CD109: variants seen among roughly 807,000 people sequenced by gnomAD.
The protein encoded by CD109 is CD109 molecule, also known as CD109 antigen.
CD109 carries 149 observed loss-of-function variants against 165.8 expected under a neutral mutation model. The ratio of observed to expected loss-of-function variants is 0.90; its 90% CI spans 0.79 to 1.03. The LOEUF is 1.03. Ranked by LOEUF, CD109 falls within the 50% of genes least tolerant of loss-of-function variation. The probability of loss-of-function intolerance (pLI) is 0.00; values close to 1 mark genes in which losing one functional copy is unlikely to be tolerated. For missense variants in CD109, 1,712 were observed against 1,677.8 expected (o/e 1.02, Z -0.36); for synonymous variants, 585 against 592.1 (o/e 0.99, Z 0.18).
intron 5 of CD109, among the ~76,000 whole-genome samples, chr6:73,755,772 C>A (rs1349204126): frequency 6.7e-6 from 1 of 149,628 alleles, no homozygotes; most frequent in African/African-American, 2.5e-5. Flanking sequence ...CCAGCCTGGG[C>A]AACATGGCAA....
chr6:73,818,535 T>C lies in CD109; in HGVS notation c.4059T>C (p.Ser1353=). The change falls in exon 31 of 33, where the codon TCT becomes TCC. Residue 1353 remains serine, a splice_region_variant and synonymous_variant. Transcript: ENST00000287097. ...GAAAACTCAACCTCTATTTAGATTCTGTAAGTAGTAAAACATAAGGTAACT... is the reference window on the plus strand; with the variant it reads ...GAAAACTCAACCTCTATTTAGATTCCGTAAGTAGTAAAACATAAGGTAACT... ...DHGKLNLYLD[S]VNETQFCVNI... The C allele has an allele frequency of 6.2e-7, 1 of 1,612,354 alleles. No individual in the cohort carries two copies. Among genetic ancestry groups the C allele is most frequent in the Non-Finnish European group, 8.5e-7 (1 of 1,179,428 alleles).
In CD109 at chr6:73,803,090, A is replaced by G. The variant is rs140192068; in HGVS notation, c.2879-130A>G. ...GCACTTAAAATAGAAAGTACTCAAT[A>G]TTAGCTCTTGGTTTGATTTCTTCTT... On this transcript the variant is annotated intron_variant, in intron 23 of 32. Coordinates refer to ENST00000287097, the MANE Select transcript of CD109 (RefSeq NM_133493.5). 4.3e-4 allele frequency: 279 copies of G among 652,092 alleles called. 3 individuals carry two copies. In the East Asian group the frequency reaches 7.9e-3, roughly 19 times the overall value. 40.4% of individuals were successfully genotyped at this position (652,092 alleles called of 1,614,324 possible). A position where few individuals can be genotyped will look rare whatever the true frequency, so the allele number is the denominator to read the frequency against.
intron 30 of CD109, among the ~76,000 whole-genome samples, chr6:73,817,675 T>C (rs41307149): frequency 0.019 from 2,904 of 152,342 alleles, 36 homozygotes; most frequent in Middle Eastern, 0.034. Context: ...TGAAAAGCTC[T>C]TGCCATCAAT....
At chr6:73,755,572 T>A (rs1046519598) in intron 5 of CD109, among the ~76,000 whole-genome samples, 9 of 152,222 alleles carry the variant, frequency 5.9e-5, no homozygotes, top group Non-Finnish European at 1.0e-4. Context: ...ATTTGGGAAT[T>A]AAATTTACAA....
At chr6:73,769,948 AAGAG>A (rs1292080755) in intron 14 of CD109, among the ~76,000 whole-genome samples, 1 of 152,234 alleles carries the variant, frequency 6.6e-6, no homozygotes, top group African/African-American at 2.4e-5. Flanking sequence ...ATTGCAATGG[AAGAG>A]AGAGATGATA....
intron 2 of CD109, among the ~76,000 whole-genome samples, chr6:73,717,538 A>G (rs1364641352): frequency 7.0e-6 from 1 of 142,656 alleles, no homozygotes; most frequent in Non-Finnish European, 1.5e-5. Flanking sequence ...ATTTGCTGCT[A>G]TTGTAAATGG....
intron 22 of CD109, 99 bp downstream of exon 22, chr6:73,788,711 AG>A: frequency 2.1e-6 from 1 of 473,538 alleles, no homozygotes; most frequent in Non-Finnish European, 2.9e-6. Context: ...AGTCCTAATA[AG>A]AAGAGATGGC....
At chr6:73,722,881 C>A (rs865847587) in intron 2 of CD109, among the ~76,000 whole-genome samples, 1 of 152,204 alleles carries the variant, frequency 6.6e-6, no homozygotes, top group South Asian at 2.1e-4. Flanking sequence ...GGTATGAGGA[C>A]AAGAAATAAA....
rs200895014 is a variant in CD109 at position 73,721,366 on chromosome 6, C to CT, written c.248-1869dup. ...GTAGAAAATGTAGTAATTTTTATTT[C>CT]TTTTTTTTTTTTTTTTGAGACAGTA... is the stretch of plus-strand genomic sequence containing the variant. On this transcript the variant is annotated intron_variant, in intron 2 of 32. Transcript: ENST00000287097. Among the ~76,000 whole-genome samples the CT allele has an allele frequency of 4.7e-3, 654 of 138,714 alleles. 2 individuals are homozygous for CT. Among genetic ancestry groups the CT allele is most frequent in the Admixed American group, 6.7e-3 (93 of 13,890 alleles). The allele number at this position is 138,714 out of a possible 152,430, so 91.0% of individuals were successfully genotyped here. A position where few individuals can be genotyped will look rare whatever the true frequency, so the allele number is the denominator to read the frequency against.
intron 2 of CD109, among the ~76,000 whole-genome samples, chr6:73,714,087 G>T (rs1771635305): frequency 6.6e-6 from 1 of 152,140 alleles, no homozygotes; most frequent in Non-Finnish European, 1.5e-5. Flanking sequence ...CTCAATAATG[G>T]AGGGTGCTGG....
chr6:73,748,319 C>G (rs908530059), intron 5 of CD109, among the ~76,000 whole-genome samples: 1 of 152,190 alleles, frequency 6.6e-6, no homozygotes, highest in Non-Finnish European at 1.5e-5. Context: ...TATTCCCCAG[C>G]TTAAAACTGT....
chr6:73,755,225 A>G (rs1003036993), intron 5 of CD109, among the ~76,000 whole-genome samples: 3 of 152,234 alleles, frequency 2.0e-5, no homozygotes, highest in Non-Finnish European at 2.9e-5. Context: ...TGATATGAAA[A>G]CAATTTGAGA....
chr6:73,789,178 A>G (rs1774820697), intron 22 of CD109, among the ~76,000 whole-genome samples: 1 of 151,986 alleles, frequency 6.6e-6, no homozygotes. Flanking sequence ...AAGGTTGAGT[A>G]CTCCTCCCTA....
intron 4 of CD109, among the ~76,000 whole-genome samples, chr6:73,730,808 A>G (rs1772340461): frequency 6.6e-6 from 1 of 152,274 alleles, no homozygotes; most frequent in East Asian, 1.9e-4. Flanking sequence ...ATTGATTTAT[A>G]CAGTTGTCAA....
the CD109 span, among the ~76,000 whole-genome samples, chr6:73,684,196 TTTCTC>T: frequency 3.9e-5 from 6 of 152,030 alleles, no homozygotes; most frequent in Non-Finnish European, 7.4e-5. Flanking sequence ...TCTGTATTGT[TTTCTC>T]TTTTCTTTTG....
chr6:73,721,631 TG>T (rs1363256314), intron 2 of CD109, among the ~76,000 whole-genome samples: 1 of 152,232 alleles, frequency 6.6e-6, no homozygotes, highest in Non-Finnish European at 1.5e-5. Flanking sequence ...CCCAAAGTGC[TG>T]GGATTACAGG....
intron 22 of CD109, among the ~76,000 whole-genome samples, chr6:73,790,099 C>CTCTTTTTT (rs1774866078): frequency 7.7e-6 from 1 of 130,058 alleles, no homozygotes; most frequent in African/African-American, 3.0e-5. Flanking sequence ...GCTAAAAGTC[C>CTCTTTTTT]TTTTTTTTTT....
chr6:73,756,366 G>A (rs1027018672), intron 5 of CD109, among the ~76,000 whole-genome samples: 3 of 152,086 alleles, frequency 2.0e-5, no homozygotes, highest in Admixed American at 6.5e-5. Flanking sequence ...GTCAGATTAA[G>A]CAGTTTGTTT....
intron 30 of CD109, among the ~76,000 whole-genome samples, chr6:73,818,012 C>T (rs1775996258): frequency 6.6e-6 from 1 of 152,092 alleles, no homozygotes; most frequent in African/African-American, 2.4e-5. Context: ...AAGTTTGGTG[C>T]TGTCAACTTT....
Sources: allele counts gnomAD v4.1 joint callset (sites outside exome capture counted in the v4.1 genomes callset), GRCh38; gene constraint gnomAD v4.1.1; transcripts MANE v1.5; gene names NCBI Gene and HGNC (gene_info 2026-07-23, HGNC 2026-07-21).